Variants in C3orf70 observed in about 807,000 individuals in gnomAD.
The protein encoded by C3orf70 is chromosome 3 open reading frame 70, also known as UPF0524 protein C3orf70.
In C3orf70, 15 loss-of-function variants were observed where a neutral mutation model predicts 20.7. That is an observed-to-expected ratio of 0.72 (90% confidence interval 0.48 to 1.11). The LOEUF (loss-of-function observed/expected upper bound fraction) is 1.11. Ranked by LOEUF, C3orf70 falls within the 50% of genes most tolerant of loss-of-function variation. The pLI, the probability that C3orf70 is intolerant of heterozygous loss-of-function variation, is 0.00. For synonymous variants in C3orf70, 161 were observed against 125.7 expected, an observed-to-expected ratio of 1.28 and a Z score of -1.88; for missense variants, 332 against 317.6, an observed-to-expected ratio of 1.05 and a Z score of -0.34.
intron 1 of C3orf70, among the ~76,000 whole-genome samples, chr3:185,112,904 G>A (rs1331039980): frequency 6.6e-6 from 1 of 152,034 alleles, no homozygotes; most frequent in East Asian, 1.9e-4. Flanking sequence ...CAAACTCTCA[G>A]TATACAATAA....
chr3:185,120,204 A>G (rs911372902), intron 1 of C3orf70, among the ~76,000 whole-genome samples: 33 of 152,188 alleles, frequency 2.2e-4, no homozygotes, highest in Non-Finnish European at 3.2e-4. Flanking sequence ...ATGTAAGACT[A>G]TGTAAGTCCT....
At chr3:185,137,133 A>G (rs899360872) in intron 1 of C3orf70, among the ~76,000 whole-genome samples, 2 of 152,122 alleles carry the variant, frequency 1.3e-5, no homozygotes, top group Non-Finnish European at 2.9e-5. Flanking sequence ...GTGGTAGTGA[A>G]TAAGTCTCAC....
chr3:185,077,789 T>TGGGGGG lies in C3orf70; in HGVS notation c.*5212_*5217dup, dbSNP rs10663284. ...TGAAATAAATGCTATTTGGTGGTGG[T>TGGGGGG]GGGGGGGGGGTATCAAGTTTTATTT... On this transcript the variant is annotated 3_prime_UTR_variant, in exon 2 of 2. Transcript: ENST00000335012. Among the ~76,000 whole-genome samples the TGGGGGG allele has an allele frequency of 5.2e-4, 65 of 124,110 alleles. No homozygotes were observed. The highest frequency in any genetic ancestry group is 8.6e-4 in the South Asian group (3 of 3,482). 81.4% of individuals were successfully genotyped at this position (124,110 alleles called of 152,430 possible).
At chr3:185,130,812 C>A (rs1716509273) in intron 1 of C3orf70, among the ~76,000 whole-genome samples, 1 of 152,164 alleles carries the variant, frequency 6.6e-6, no homozygotes, top group Non-Finnish European at 1.5e-5. Context: ...TTTGCATTGC[C>A]AAATAATAGT....
chr3:185,116,157 G>A (rs899442388), intron 1 of C3orf70, among the ~76,000 whole-genome samples: 6 of 152,066 alleles, frequency 3.9e-5, no homozygotes, highest in Admixed American at 1.3e-4. Context: ...GTAGACAGAC[G>A]GTAATATTTT....
chr3:185,108,710 C>T (rs11926315), intron 1 of C3orf70, among the ~76,000 whole-genome samples: 7,920 of 152,322 alleles, frequency 0.052, 671 homozygotes, highest in African/African-American at 0.18. Context: ...TCCAGTGATG[C>T]CCAACTTGCC....
In C3orf70 at chr3:185,132,337, G is replaced by A. The variant is rs1017867462; in HGVS notation, c.196+20291C>T. On this transcript the variant is annotated intron_variant, in intron 1 of 1. Transcript: ENST00000335012. ...CAGAAATAAAAGAAAGTGAAGATATGAGTAAAAACAAGTAACTATTAAAAA... is the reference window on the plus strand; with the variant it reads ...CAGAAATAAAAGAAAGTGAAGATATAAGTAAAAACAAGTAACTATTAAAAA... Among the ~76,000 whole-genome samples, 7 of 151,620 alleles carry A rather than the reference G, an allele frequency of 4.6e-5. No individual in the cohort carries two copies. In the South Asian group the frequency reaches 1.5e-3, roughly 32 times the overall value.
rs1358848834 is a variant in C3orf70 at position 185,079,580 on chromosome 3, T to C, written c.*3427A>G. The C allele has an allele frequency of 1.3e-5, 2 of 152,222 alleles. No homozygotes were observed. The highest frequency in any genetic ancestry group is 2.4e-5 in the African/African-American group (1 of 41,458). The allele number at this position is 152,222 out of a possible 1,614,324, so 9.4% of individuals were successfully genotyped here. A position where few individuals can be genotyped will look rare whatever the true frequency, so the allele number is the denominator to read the frequency against. The stretch of plus-strand genomic sequence containing the variant: ...CAAACAGTTGTAACCACAAAAGCAC[T>C]GTAATCATCATTTCTTGGAAAAGTT... On this transcript the variant is annotated 3_prime_UTR_variant, in exon 2 of 2. Coordinates refer to ENST00000335012, the MANE Select transcript of C3orf70 (RefSeq NM_001025266.3).
At chr3:185,092,309 G>A (rs1044582901) in intron 1 of C3orf70, among the ~76,000 whole-genome samples, 2 of 152,044 alleles carry the variant, frequency 1.3e-5, no homozygotes, top group Non-Finnish European at 2.9e-5. Flanking sequence ...AGCCACTCTA[G>A]AGCTTTTCTT....
At chr3:185,109,593 G>A (rs1279642868) in intron 1 of C3orf70, among the ~76,000 whole-genome samples, 1 of 152,208 alleles carries the variant, frequency 6.6e-6, no homozygotes, top group Non-Finnish European at 1.5e-5. Flanking sequence ...AAGGGGGACA[G>A]TCAGTCACAA....
chr3:185,100,769 A>C (rs200938814), intron 1 of C3orf70, among the ~76,000 whole-genome samples: 1 of 152,112 alleles, frequency 6.6e-6, no homozygotes, highest in East Asian at 1.9e-4. Context: ...TTTTGAAAAA[A>C]AAAAATTAAC....
Position 185,152,947 on chromosome 3 carries a change from G to A in C3orf70, c.-124C>T. The A allele has an allele frequency of 2.5e-6, 2 of 801,598 alleles. No homozygotes were observed. The highest frequency in any genetic ancestry group is 3.3e-6 in the Non-Finnish European group (2 of 598,830). The allele number at this position is 801,598 out of a possible 1,614,324, so 49.7% of individuals were successfully genotyped here. A position where few individuals can be genotyped will look rare whatever the true frequency, so the allele number is the denominator to read the frequency against. On this transcript the variant is annotated 5_prime_UTR_variant, in exon 1 of 2. Transcript: ENST00000335012. ...CACGGGCCGGGAGTCACGCCAGCAC[G>A]CGGCGGCGGCGGGAGCGCGGCGGTC...
In C3orf70 at chr3:185,082,887, TGTTG is replaced by T. The variant is rs1475661858; in HGVS notation, c.*116_*119del. The T allele has an allele frequency of 7.8e-6, 7 of 902,202 alleles. No homozygotes were observed. In the East Asian group the frequency reaches 1.2e-4, roughly 16 times the overall value. The allele number at this position is 902,202 out of a possible 1,614,324, so 55.9% of individuals were successfully genotyped here. ...CAGCATACCACTGAACTGCTACGGTTGTTGGTTGGAGCGGGGCGGGGTGGGTAGA... is the reference window on the plus strand; with the variant it reads ...CAGCATACCACTGAACTGCTACGGTTGTTGGAGCGGGGCGGGGTGGGTAGA... On this transcript the variant is annotated 3_prime_UTR_variant, in exon 2 of 2. Transcript: ENST00000335012.
intron 1 of C3orf70, among the ~76,000 whole-genome samples, chr3:185,145,060 G>A (rs1044109014): frequency 6.6e-6 from 1 of 152,208 alleles, no homozygotes; most frequent in African/African-American, 2.4e-5. Flanking sequence ...CATTCTATGT[G>A]TATACGATTC....
intron 1 of C3orf70, among the ~76,000 whole-genome samples, chr3:185,147,124 G>A (rs1265124154): frequency 6.6e-6 from 1 of 152,194 alleles, no homozygotes; most frequent in African/African-American, 2.4e-5. Context: ...TGCTGTGACA[G>A]TCTTTCTTTA....
At chr3:185,135,713 T>C (rs192662177) in intron 1 of C3orf70, among the ~76,000 whole-genome samples, 5 of 152,000 alleles carry the variant, frequency 3.3e-5, no homozygotes, top group Admixed American at 3.3e-4. Context: ...TGCCCTAACT[T>C]GATCACACAG....
At chr3:185,141,440 G>T (rs1299590458) in intron 1 of C3orf70, among the ~76,000 whole-genome samples, 1 of 151,630 alleles carries the variant, frequency 6.6e-6, no homozygotes, top group Non-Finnish European at 1.5e-5. Context: ...TGAAGACTAT[G>T]TTCAAGTAGA....
intron 1 of C3orf70, among the ~76,000 whole-genome samples, chr3:185,134,930 C>T (rs1034228785): frequency 6.6e-6 from 1 of 152,000 alleles, no homozygotes; most frequent in Non-Finnish European, 1.5e-5. Flanking sequence ...CCAGGGTGTC[C>T]GTGGAGGACA....
chr3:185,111,883 C>CA (rs1716080309), intron 1 of C3orf70, among the ~76,000 whole-genome samples: 1 of 152,140 alleles, frequency 6.6e-6, no homozygotes, highest in Non-Finnish European at 1.5e-5. Context: ...ATTTGCCTGA[C>CA]AAAGAATTCA....
Sources: gnomAD v4.1 joint callset for allele counts (sites outside exome capture counted in the v4.1 genomes callset) on GRCh38, gnomAD v4.1.1 for gene constraint, MANE v1.5 for transcripts, NCBI Gene and HGNC (gene_info 2026-07-23, HGNC 2026-07-21) for gene names.